LSAMP: variants seen among roughly 807,000 people sequenced by gnomAD.
The protein encoded by LSAMP is limbic system-associated membrane protein.
A neutral mutation model predicts 38.6 loss-of-function variants in LSAMP; 7 were observed. The ratio of observed to expected loss-of-function variants is 0.18; its 90% CI spans 0.10 to 0.34. The LOEUF is 0.34. LSAMP is among the 10% of genes least tolerant of loss of function. The probability of loss-of-function intolerance (pLI) is 1.00; values close to 1 mark genes in which losing one functional copy is unlikely to be tolerated. For missense variants in LSAMP, 313 were observed against 420.0 expected (o/e 0.75, Z 2.23); for synonymous variants, 154 against 166.8 (o/e 0.92, Z 0.59).
At chr3:115,939,572 C>CTTTCTTTCTTTCTTTCTT (rs1559889094) in intron 3 of LSAMP, among the ~76,000 whole-genome samples, 1 of 148,102 alleles carries the variant, frequency 6.8e-6, no homozygotes, top group African/African-American at 2.5e-5. Context: ...TTCTTTCTTT[C>CTTTCTTTCTTTCTTTCTT]TTTCTTTCTT....
Position 116,243,942 on chromosome 3 carries a change from G to T in LSAMP, c.156-157386C>A, listed in dbSNP as rs115818298. On this transcript the variant is annotated intron_variant, in intron 1 of 6. Transcript: ENST00000490035. The stretch of plus-strand genomic sequence containing the variant: ...AAAAAAACAGGATAGTCTAATTTCA[G>T]TAGAAAGTTCCCTGTGCTTGGCAAA... 3.2e-3 allele frequency among the ~76,000 whole-genome samples: 491 copies of T among 152,272 alleles called. 2 individuals are homozygous for T. The highest frequency in any genetic ancestry group is 0.012 in the African/African-American group (481 of 41,554).
intron 3 of LSAMP, among the ~76,000 whole-genome samples, chr3:115,884,950 G>A (rs976134122): frequency 6.6e-6 from 1 of 152,004 alleles, no homozygotes; most frequent in Non-Finnish European, 1.5e-5. Flanking sequence ...ATTTTGAAAA[G>A]AAATGTCATT....
At chr3:116,090,584 G>A (rs1708099348) in intron 1 of LSAMP, among the ~76,000 whole-genome samples, 2 of 152,110 alleles carry the variant, frequency 1.3e-5, no homozygotes, top group Admixed American at 6.5e-5. Context: ...ATTTTGTTTC[G>A]GGGGACCTGC....
Position 116,257,600 on chromosome 3 carries a change from GATAAA to G in LSAMP, c.156-171049_156-171045del, listed in dbSNP as rs1436701050. Among the ~76,000 whole-genome samples the G allele has an allele frequency of 7.2e-5, 11 of 151,950 alleles. No individual in the cohort carries two copies. In the East Asian group the frequency reaches 2.1e-3, roughly 29 times the overall value. On this transcript the variant is annotated intron_variant, in intron 1 of 6. Coordinates refer to ENST00000490035, the MANE Select transcript of LSAMP (RefSeq NM_002338.5). Reference sequence around the variant, plus strand: ...TTTTTTCTGAATATTTGCTGCTAATGATAAAATAAACAACAAAACAGAAAAAAACA... The same window carrying G: ...TTTTTTCTGAATATTTGCTGCTAATGATAAACAACAAAACAGAAAAAAACA...
At chr3:116,149,663 C>T (rs916715598) in intron 1 of LSAMP, among the ~76,000 whole-genome samples, 3 of 151,874 alleles carry the variant, frequency 2.0e-5, no homozygotes, top group African/African-American at 7.3e-5. Flanking sequence ...TGAGAGGTGC[C>T]AGCTGTTGCT....
intron 3 of LSAMP, among the ~76,000 whole-genome samples, chr3:115,903,253 T>A (rs2107487851): frequency 6.6e-6 from 1 of 152,184 alleles, no homozygotes; most frequent in Non-Finnish European, 1.5e-5. Context: ...AACCAAATAC[T>A]GCATGTTCTC....
chr3:115,854,383 C>T (rs1314410586), intron 3 of LSAMP, among the ~76,000 whole-genome samples: 4 of 148,942 alleles, frequency 2.7e-5, no homozygotes, highest in African/African-American at 4.9e-5. Flanking sequence ...CCCAGGTTCA[C>T]GCCATTCTCC....
intron 1 of LSAMP, among the ~76,000 whole-genome samples, chr3:116,174,664 T>C (rs1335939368): frequency 6.6e-6 from 1 of 152,016 alleles, no homozygotes; most frequent in African/African-American, 2.4e-5. Context: ...CATAGGGTGA[T>C]TTTTGTGACC....
chr3:116,160,450 GGA>G, intron 1 of LSAMP, among the ~76,000 whole-genome samples: 1 of 149,008 alleles, frequency 6.7e-6, no homozygotes, highest in South Asian at 2.1e-4. Flanking sequence ...AAGGAAGGAA[GGA>G]GAGAGAGAAA....
intron 1 of LSAMP, among the ~76,000 whole-genome samples, chr3:116,426,333 A>G (rs567187027): frequency 5.9e-5 from 9 of 151,948 alleles, no homozygotes; most frequent in Non-Finnish European, 1.3e-4. Flanking sequence ...CTAAAAATAC[A>G]AAAACTAATC....
intron 1 of LSAMP, among the ~76,000 whole-genome samples, chr3:116,202,166 C>T (rs905358880): frequency 1.0e-4 from 15 of 150,126 alleles, no homozygotes; most frequent in African/African-American, 2.7e-4. Context: ...GGCAGAGTCT[C>T]GCTCTGTTGC....
intron 6 of LSAMP, among the ~76,000 whole-genome samples, chr3:115,813,634 A>T (rs996201157): frequency 3.9e-5 from 6 of 152,162 alleles, no homozygotes; most frequent in Non-Finnish European, 7.3e-5. Flanking sequence ...ACTGGGTTTG[A>T]GAGTAAATAA....
chr3:116,298,626 G>T (rs2047367430), intron 1 of LSAMP, among the ~76,000 whole-genome samples: 1 of 152,204 alleles, frequency 6.6e-6, no homozygotes, highest in African/African-American at 2.4e-5. Context: ...TAGCTCCATA[G>T]AATTGTTTCC....
intron 1 of LSAMP, among the ~76,000 whole-genome samples, chr3:116,324,128 T>C (rs2047740518): frequency 6.6e-6 from 1 of 152,172 alleles, no homozygotes; most frequent in Non-Finnish European, 1.5e-5. Flanking sequence ...TTTGTGTATG[T>C]CTTGTTGGAA....
At chr3:116,238,298 G>T (rs2046490841) in intron 1 of LSAMP, among the ~76,000 whole-genome samples, 2 of 152,128 alleles carry the variant, frequency 1.3e-5, no homozygotes, top group Non-Finnish European at 2.9e-5. Context: ...ACTAACCTAA[G>T]CTGTTTTAGT....
chr3:116,177,830 G>C (rs1309186504), intron 1 of LSAMP, among the ~76,000 whole-genome samples: 3 of 152,002 alleles, frequency 2.0e-5, no homozygotes, highest in Admixed American at 6.6e-5. Flanking sequence ...AGTTATTATG[G>C]GGATGAAGCA....
chr3:116,222,385 G>C (rs1036322335), intron 1 of LSAMP, among the ~76,000 whole-genome samples: 10 of 151,646 alleles, frequency 6.6e-5, no homozygotes, highest in African/African-American at 2.2e-4. Flanking sequence ...TACTTACTTG[G>C]TGCTCATTTT....
At chr3:116,013,533 G>T (rs1353315456) in intron 3 of LSAMP, among the ~76,000 whole-genome samples, 1 of 152,036 alleles carries the variant, frequency 6.6e-6, no homozygotes, top group Non-Finnish European at 1.5e-5. Context: ...AGACTATACT[G>T]GGAAAGTATA....
At chr3:116,306,291 T>G (rs989602059) in intron 1 of LSAMP, among the ~76,000 whole-genome samples, 1 of 151,996 alleles carries the variant, frequency 6.6e-6, no homozygotes, top group South Asian at 2.1e-4. Flanking sequence ...CAGATTAGAA[T>G]GTTTAGAGTC....
Sources: allele counts gnomAD v4.1 joint callset (sites outside exome capture counted in the v4.1 genomes callset), GRCh38; gene constraint gnomAD v4.1.1; transcripts MANE v1.5; gene names NCBI Gene and HGNC (gene_info 2026-07-23, HGNC 2026-07-21).